NRG3: variants seen among roughly 807,000 people sequenced by gnomAD.
NRG3 encodes the protein pro-neuregulin-3, membrane-bound isoform.
Under a neutral mutation model 66.9 loss-of-function variants are expected in NRG3, and 31 were observed. That is an observed-to-expected ratio of 0.46 (90% confidence interval 0.35 to 0.63). The LOEUF is 0.63. NRG3 is among the 20% of genes least tolerant of loss of function. NRG3 has a pLI of 0.00. For missense variants in NRG3, 910 were observed against 878.9 expected, an observed-to-expected ratio of 1.04 and a Z score of -0.45; for synonymous variants, 393 against 359.4, an observed-to-expected ratio of 1.09 and a Z score of -1.06.
At chr10:82,666,319 T>A (rs1391117066) in intron 2 of NRG3, among the ~76,000 whole-genome samples, 1 of 152,160 alleles carries the variant, frequency 6.6e-6, no homozygotes, top group East Asian at 1.9e-4. Context: ...TCCAGAGAGA[T>A]ATAGATGTTC....
At chr10:81,928,236 G>A (rs565132446) in intron 1 of NRG3, among the ~76,000 whole-genome samples, 1 of 152,260 alleles carries the variant, frequency 6.6e-6, no homozygotes, top group East Asian at 1.9e-4. Flanking sequence ...TAGAGCATTT[G>A]TCCTTAACCC....
intron 2 of NRG3, among the ~76,000 whole-genome samples, chr10:82,651,358 A>G (rs987684240): frequency 2.6e-5 from 4 of 152,250 alleles, no homozygotes; most frequent in African/African-American, 7.2e-5. Context: ...AAGAAAAGAT[A>G]TGTCCAATAA....
At chr10:82,479,527 G>A (rs1378977490) in intron 2 of NRG3, among the ~76,000 whole-genome samples, 1 of 147,268 alleles carries the variant, frequency 6.8e-6, no homozygotes, top group Admixed American at 6.9e-5. Context: ...GCTGGGCGTG[G>A]TGATGCATGC....
rs117025576 is a variant in NRG3, at chr10:82,120,881, A to G, written c.824-237858A>G. On this transcript the variant is annotated intron_variant, in intron 1 of 8. Coordinates refer to ENST00000372141, the MANE Select transcript of NRG3 (RefSeq NM_001010848.4). The stretch of plus-strand genomic sequence containing the variant: ...GGGAGTCTCATTACTGCCTGTCTGT[A>G]TTCCTGCACATGCCTCCGTACCCAT... Among the ~76,000 whole-genome samples, 395 of 152,098 alleles carry G rather than the reference A, an allele frequency of 2.6e-3. 15 individuals are homozygous for G. The East Asian group carries it at 0.059, about 23-fold the overall frequency.
At chr10:82,223,021 C>T (rs1165793180) in intron 1 of NRG3, among the ~76,000 whole-genome samples, 2 of 152,188 alleles carry the variant, frequency 1.3e-5, no homozygotes, top group Non-Finnish European at 2.9e-5. Flanking sequence ...CTGGATCCTG[C>T]AGTAGATTAG....
intron 1 of NRG3, among the ~76,000 whole-genome samples, chr10:82,264,553 G>C (rs1359166147): frequency 6.6e-6 from 1 of 152,166 alleles, no homozygotes; most frequent in Non-Finnish European, 1.5e-5. Context: ...TAAACCCACA[G>C]ACTGGATAAG....
intron 2 of NRG3, among the ~76,000 whole-genome samples, chr10:82,561,520 G>C (rs935829727): frequency 6.6e-6 from 1 of 152,144 alleles, no homozygotes; most frequent in African/African-American, 2.4e-5. Context: ...GGGCATTGTG[G>C]TAGACACCTG....
At chr10:82,644,825 G>T (rs762174618) in intron 2 of NRG3, among the ~76,000 whole-genome samples, 3 of 152,084 alleles carry the variant, frequency 2.0e-5, no homozygotes, top group Non-Finnish European at 4.4e-5. Context: ...CTAAGACATT[G>T]CCCAGTTTTC....
intron 2 of NRG3, among the ~76,000 whole-genome samples, chr10:82,647,646 C>A (rs1211187423): frequency 2.7e-5 from 4 of 150,254 alleles, no homozygotes; most frequent in African/African-American, 9.7e-5. Flanking sequence ...TCCTATTTCT[C>A]CACATCCTCT....
chr10:82,243,511 A>T (rs1280954863), intron 1 of NRG3, among the ~76,000 whole-genome samples: 1 of 152,192 alleles, frequency 6.6e-6, no homozygotes, highest in African/African-American at 2.4e-5. Flanking sequence ...AAAAAATTTA[A>T]GGTCTTTAGA....
chr10:82,109,535 TTGTGTGTGTGTGTGTGTG>T (rs747213240), intron 1 of NRG3, among the ~76,000 whole-genome samples: 2 of 138,772 alleles, frequency 1.4e-5, no homozygotes, highest in African/African-American at 5.3e-5. Flanking sequence ...AAGAATAAGA[TTGTGTGTGTGTGTGTGTG>T]TGTGTGTGTG....
intron 2 of NRG3, among the ~76,000 whole-genome samples, chr10:82,445,308 G>T (rs898658807): frequency 7.2e-5 from 11 of 152,142 alleles, no homozygotes; most frequent in African/African-American, 2.7e-4. Context: ...GGACACAGTA[G>T]AAAATTAGAG....
chr10:82,319,800 A>C (rs1425708157), intron 1 of NRG3, among the ~76,000 whole-genome samples: 1 of 152,166 alleles, frequency 6.6e-6, no homozygotes, highest in African/African-American at 2.4e-5. Flanking sequence ...TGTGTGGCTG[A>C]CTTCACAGCT....
chr10:82,739,872 T>C (rs1591372092), intron 3 of NRG3, among the ~76,000 whole-genome samples: 3 of 152,176 alleles, frequency 2.0e-5, no homozygotes, highest in Admixed American at 1.3e-4. Context: ...ATCTTATTTA[T>C]CAAGTGATTT....
chr10:82,262,963 G>T (rs1361215190), intron 1 of NRG3, among the ~76,000 whole-genome samples: 1 of 152,100 alleles, frequency 6.6e-6, no homozygotes, highest in African/African-American at 2.4e-5. Flanking sequence ...TATAGTTGAG[G>T]ATAGGAAGGA....
At chr10:82,292,929 A>G (rs1046203639) in intron 1 of NRG3, among the ~76,000 whole-genome samples, 1 of 152,216 alleles carries the variant, frequency 6.6e-6, no homozygotes, top group Non-Finnish European at 1.5e-5. Flanking sequence ...CAATGTCAAC[A>G]GCTTTCTTGT....
intron 1 of NRG3, among the ~76,000 whole-genome samples, chr10:82,177,379 A>C (rs1486425288): frequency 6.6e-6 from 1 of 152,130 alleles, no homozygotes; most frequent in Non-Finnish European, 1.5e-5. Flanking sequence ...GCAATATTTT[A>C]ATTATTTTTA....
Position 81,903,994 on chromosome 10 carries a change from A to ATT in NRG3, c.823+27832_823+27833insTT, listed in dbSNP as rs1315427498. ...AGTGTGTATATATATATATATATATATATTTTTTTTTTTTGTTTGTTTGTT... is the reference window on the plus strand; with the variant it reads ...AGTGTGTATATATATATATATATATATTTATTTTTTTTTTTTGTTTGTTTGTT... On this transcript the variant is annotated intron_variant, in intron 1 of 8. Coordinates refer to ENST00000372141, the MANE Select transcript of NRG3 (RefSeq NM_001010848.4). 9.7e-5 allele frequency among the ~76,000 whole-genome samples: 10 copies of ATT among 103,478 alleles called. No individual in the cohort carries two copies. The South Asian group carries it at 1.2e-3, about 12-fold the overall frequency. The allele number at this position is 103,478 out of a possible 152,430, so 67.9% of individuals were successfully genotyped here.
At chr10:82,408,081 G>GAGAGAGAA (rs1564888020) in intron 2 of NRG3, among the ~76,000 whole-genome samples, 12 of 67,056 alleles carry the variant, frequency 1.8e-4, no homozygotes, top group East Asian at 8.4e-4. Context: ...GAGAGAGAGA[G>GAGAGAGAA]AGACAGAAAG....
Sources: gnomAD v4.1 joint callset for allele counts (sites outside exome capture counted in the v4.1 genomes callset) on GRCh38, gnomAD v4.1.1 for gene constraint, MANE v1.5 for transcripts, NCBI Gene and HGNC (gene_info 2026-07-23, HGNC 2026-07-21) for gene names.